GALNT7: variants seen among roughly 807,000 people sequenced by gnomAD.
The protein encoded by GALNT7 is N-acetylgalactosaminyltransferase 7.
Under a neutral mutation model 82.1 loss-of-function variants are expected in GALNT7, and 60 were observed. The ratio of observed to expected loss-of-function variants is 0.73; its 90% CI spans 0.59 to 0.91. GALNT7 has a LOEUF of 0.91. GALNT7 is among the 40% of genes least tolerant of loss of function. The probability of loss-of-function intolerance (pLI) is 0.00; values close to 1 mark genes in which losing one functional copy is unlikely to be tolerated. For missense variants in GALNT7, 660 were observed against 804.2 expected, an observed-to-expected ratio of 0.82 and a Z score of 2.17; for synonymous variants, 243 against 275.1, an observed-to-expected ratio of 0.88 and a Z score of 1.15.
intron 8 of GALNT7, among the ~76,000 whole-genome samples, chr4:173,309,063 C>T (rs1214852823): frequency 6.6e-6 from 1 of 152,044 alleles, no homozygotes; most frequent in Non-Finnish European, 1.5e-5. Context: ...TTTACCAAAA[C>T]TCATGAACCT....
intron 2 of GALNT7, among the ~76,000 whole-genome samples, chr4:173,258,334 A>G (rs536758330): frequency 6.6e-6 from 1 of 152,338 alleles, no homozygotes; most frequent in East Asian, 1.9e-4. Context: ...GGTGTGCACC[A>G]GTAGACATAG....
intron 1 of GALNT7, among the ~76,000 whole-genome samples, chr4:173,216,965 G>A (rs1042810034): frequency 2.0e-5 from 3 of 150,976 alleles, no homozygotes; most frequent in Admixed American, 6.6e-5. Context: ...TCCTGACCTC[G>A]GGTGATCCGC....
rs376076318 is a variant in GALNT7, at chr4:173,321,842, A to T, written c.*125A>T. The T allele has an allele frequency of 3.0e-5, 19 of 627,736 alleles. No homozygotes were observed. In the East Asian group the frequency reaches 5.2e-4, roughly 17 times the overall value. The allele number at this position is 627,736 out of a possible 1,614,324, so 38.9% of individuals were successfully genotyped here. On this transcript the variant is annotated 3_prime_UTR_variant, in exon 12 of 12. Coordinates refer to ENST00000265000, the MANE Select transcript of GALNT7 (RefSeq NM_017423.3). ...ATAGCTCCAAACCTGGAACCTCCTG[A>T]TCAGTTTGAAGGACATTGATAAACT...
chr4:173,298,141 A>G lies in GALNT7; in HGVS notation c.992A>G (p.Asp331Gly), dbSNP rs139992342. Reference protein sequence around the residue: ...DRTICTVPLIDVINGNTYEII... With the variant: ...DRTICTVPLIGVINGNTYEII... ...ACCATTTGCACTGTGCCGCTTATAG[A>G]TGTCATAAATGGCAACACATATGAA... The change falls in exon 6 of 12, where the codon GAT (aspartate) becomes GGT (glycine). Residue 331 changes from aspartate to glycine, a missense_variant. Asp to Gly is a moderately conservative substitution (Grantham distance 94). Transcript: ENST00000265000. 3.1e-6 allele frequency: 5 copies of G among 1,613,932 alleles called. No individual in the cohort carries two copies. The African/African-American group carries it at 6.7e-5, about 22-fold the overall frequency.
intron 1 of GALNT7, among the ~76,000 whole-genome samples, chr4:173,211,477 C>T (rs1018813038): frequency 2.6e-5 from 4 of 152,240 alleles, no homozygotes; most frequent in Admixed American, 2.6e-4. Flanking sequence ...CCTCAGTCTT[C>T]CATTCACAAA....
chr4:173,181,316 G>T (rs1386283069), intron 1 of GALNT7, among the ~76,000 whole-genome samples: 6 of 152,172 alleles, frequency 3.9e-5, no homozygotes, highest in Non-Finnish European at 7.3e-5. Context: ...GATGGCCTCA[G>T]AGGAAATTCT....
At chr4:173,169,067 A>C (rs1370502261) in intron 1 of GALNT7, 106 bp downstream of exon 1, 1 of 1,115,946 alleles carries the variant, frequency 9.0e-7, no homozygotes, top group African/African-American at 1.6e-5. Context: ...CGGCGTGGGC[A>C]CCGCAGCTCC....
In GALNT7 at chr4:173,190,284, CT is replaced by C. The variant is rs1352785245; in HGVS notation, c.126+21325del. On this transcript the variant is annotated intron_variant, in intron 1 of 11. Transcript: ENST00000265000. ...GGAAGGAAACAGAAGGGATTTGCTT[CT>C]TCACCTGTACGTGTCACTTTCAGTA... 1.1e-4 allele frequency among the ~76,000 whole-genome samples: 16 copies of C among 152,346 alleles called. No individual in the cohort carries two copies. The East Asian group carries it at 3.1e-3, about 29-fold the overall frequency.
chr4:173,259,572 T>G (rs1425566340), intron 2 of GALNT7, among the ~76,000 whole-genome samples: 1 of 152,066 alleles, frequency 6.6e-6, no homozygotes, highest in East Asian at 1.9e-4. Flanking sequence ...TTATTCTGAG[T>G]TATATTAAAC....
intron 8 of GALNT7, among the ~76,000 whole-genome samples, chr4:173,313,124 G>A (rs905698092): frequency 2.0e-5 from 3 of 151,702 alleles, no homozygotes; most frequent in Non-Finnish European, 1.5e-5. Flanking sequence ...GTCCATTTGG[G>A]GTTATAGTAA....
chr4:173,176,371 G>A (rs1732043587), intron 1 of GALNT7, among the ~76,000 whole-genome samples: 1 of 152,172 alleles, frequency 6.6e-6, no homozygotes, highest in East Asian at 1.9e-4. Context: ...TGTGGCTCTT[G>A]TGGTCTGTTA....
chr4:173,293,956 C>A (rs1243474819), intron 3 of GALNT7, among the ~76,000 whole-genome samples: 1 of 152,204 alleles, frequency 6.6e-6, no homozygotes, highest in Non-Finnish European at 1.5e-5. Context: ...GCAAGTCACA[C>A]ATGTCCTAGC....
At position 173,186,784 on chromosome 4, in the gene GALNT7, T is replaced by TG. The variant is rs537083290; in HGVS notation, c.126+17823_126+17824insG. 8.2e-3 allele frequency among the ~76,000 whole-genome samples: 1,255 copies of TG among 152,172 alleles called. 19 individuals carry two copies. Among genetic ancestry groups the TG allele is most frequent in the Admixed American group, 0.031 (470 of 15,288 alleles). On this transcript the variant is annotated intron_variant, in intron 1 of 11. Transcript: ENST00000265000. ...GAAAATATTATTGTTTACTTACTTT[T>TG]TTTTTTTTGAGATGGAGTCTTGCTC...
At chr4:173,306,063 A>C (rs1161970819) in intron 8 of GALNT7, among the ~76,000 whole-genome samples, 2 of 152,022 alleles carry the variant, frequency 1.3e-5, no homozygotes, top group Non-Finnish European at 2.9e-5. Context: ...TGTATTCTTC[A>C]ATTTATTTCA....
chr4:173,216,728 T>TATATATATATATATATATATATATATA (rs374031950), intron 1 of GALNT7, among the ~76,000 whole-genome samples: 1 of 8,054 alleles, frequency 1.2e-4, no homozygotes, highest in African/African-American at 3.1e-4. Context: ...TATATATATA[T>TATATATATATATATATATATATATATA]TTTTTTTTTT....
chr4:173,181,302 G>T (rs535328806), intron 1 of GALNT7, among the ~76,000 whole-genome samples: 1 of 152,292 alleles, frequency 6.6e-6, no homozygotes, highest in South Asian at 2.1e-4. Flanking sequence ...GTTGCTCCCT[G>T]TGTGATGGCC....
chr4:173,235,042 C>G (rs940648006), intron 1 of GALNT7, among the ~76,000 whole-genome samples: 1 of 152,088 alleles, frequency 6.6e-6, no homozygotes, highest in Non-Finnish European at 1.5e-5. Context: ...TTCTTTATAG[C>G]AATACAAATG....
intron 3 of GALNT7, 37 bp from the exon 4 acceptor site, chr4:173,295,359 C>A (rs776561627): frequency 7.3e-7 from 1 of 1,375,940 alleles, no homozygotes; most frequent in South Asian, 1.2e-5. Context: ...GGTTTCTATT[C>A]GTCTAATTTA....
At chr4:173,215,711 T>C (rs948742959) in intron 1 of GALNT7, among the ~76,000 whole-genome samples, 1 of 152,190 alleles carries the variant, frequency 6.6e-6, no homozygotes, top group Non-Finnish European at 1.5e-5. Context: ...TAGAACCATA[T>C]AAAATCCACT....
Sources: gnomAD v4.1 joint callset for allele counts (sites outside exome capture counted in the v4.1 genomes callset) on GRCh38, gnomAD v4.1.1 for gene constraint, MANE v1.5 for transcripts, NCBI Gene and HGNC (gene_info 2026-07-23, HGNC 2026-07-21) for gene names.